SPIDR: variants seen among roughly 807,000 people sequenced by gnomAD.
The protein encoded by SPIDR is DNA repair-scaffolding protein.
Under a neutral mutation model 104.6 loss-of-function variants are expected in SPIDR, and 93 were observed. The observed-to-expected ratio is 0.89, with a 90% CI of 0.75 to 1.06. The LOEUF (loss-of-function observed/expected upper bound fraction) is 1.06. SPIDR is among the 50% of genes least tolerant of loss of function. The pLI, the probability that SPIDR is intolerant of heterozygous loss-of-function variation, is 0.00. For synonymous variants in SPIDR, 431 were observed against 416.9 expected (o/e 1.03, Z -0.41); for missense variants, 1,154 against 1,111.2 (o/e 1.04, Z -0.55).
intron 8 of SPIDR, among the ~76,000 whole-genome samples, chr8:47,516,507 C>G (rs968176271): frequency 6.6e-6 from 1 of 152,090 alleles, no homozygotes; most frequent in Non-Finnish European, 1.5e-5. Flanking sequence ...CTAGGTAACT[C>G]TTAAGTGGAA....
chr8:47,713,998 A>C (rs1352163853), intron 16 of SPIDR, among the ~76,000 whole-genome samples: 1 of 152,176 alleles, frequency 6.6e-6, no homozygotes, highest in Non-Finnish European at 1.5e-5. Context: ...CAGGAGGAAC[A>C]TTCCTGGGAA....
At chr8:47,554,361 A>G (rs140731763) in intron 8 of SPIDR, among the ~76,000 whole-genome samples, 2 of 152,352 alleles carry the variant, frequency 1.3e-5, no homozygotes, top group Admixed American at 1.3e-4. Flanking sequence ...TGGAATCTGC[A>G]TAAGCAGGCA....
intron 12 of SPIDR, 33 bp downstream of exon 12, chr8:47,700,523 A>C: frequency 6.2e-7 from 1 of 1,609,156 alleles, no homozygotes; most frequent in Non-Finnish European, 8.5e-7. Flanking sequence ...TTCCCCAGTC[A>C]CAGACTACTC....
At chr8:47,324,031 C>T (rs1554598673) in intron 5 of SPIDR, among the ~76,000 whole-genome samples, 1 of 152,036 alleles carries the variant, frequency 6.6e-6, no homozygotes, top group Non-Finnish European at 1.5e-5. Flanking sequence ...AAGTTATAAT[C>T]CAATTGTGTT....
At chr8:47,418,157 A>C (rs2064716475) in intron 7 of SPIDR, among the ~76,000 whole-genome samples, 2 of 152,114 alleles carry the variant, frequency 1.3e-5, no homozygotes, top group African/African-American at 4.8e-5. Flanking sequence ...CAATTCTGTG[A>C]TGAAAGTCAT....
chr8:47,537,980 C>G (rs928047132), intron 8 of SPIDR, among the ~76,000 whole-genome samples: 7 of 151,976 alleles, frequency 4.6e-5, no homozygotes, highest in African/African-American at 7.3e-5. Flanking sequence ...AGTTCGAGAC[C>G]AGCCTGGAAA....
intron 5 of SPIDR, among the ~76,000 whole-genome samples, chr8:47,335,242 C>T (rs181319435): frequency 1.2e-4 from 18 of 152,250 alleles, no homozygotes; most frequent in African/African-American, 4.3e-4. Flanking sequence ...GAATTTCCGA[C>T]CTATATTATT....
intron 8 of SPIDR, among the ~76,000 whole-genome samples, chr8:47,441,691 T>C (rs919595751): frequency 6.6e-6 from 1 of 152,172 alleles, no homozygotes; most frequent in Admixed American, 6.5e-5. Flanking sequence ...GCTTCTGGGT[T>C]TTGTATCATA....
intron 8 of SPIDR, among the ~76,000 whole-genome samples, chr8:47,514,060 G>A (rs2082759347): frequency 6.6e-6 from 1 of 152,108 alleles, no homozygotes; most frequent in Non-Finnish European, 1.5e-5. Flanking sequence ...CCATGGCATT[G>A]CACCTTTTGT....
chr8:47,371,192 A>C (rs2057979653), intron 5 of SPIDR, among the ~76,000 whole-genome samples: 1 of 151,720 alleles, frequency 6.6e-6, no homozygotes. Flanking sequence ...CCACTACATG[A>C]AACTGTTGTT....
At chr8:47,571,587 C>G (rs1259453966) in intron 8 of SPIDR, among the ~76,000 whole-genome samples, 2 of 152,040 alleles carry the variant, frequency 1.3e-5, no homozygotes, top group Non-Finnish European at 2.9e-5. Context: ...ATATAAAATA[C>G]AAACATTATA....
At chr8:47,337,905 A>C (rs950740117) in intron 5 of SPIDR, among the ~76,000 whole-genome samples, 1 of 152,074 alleles carries the variant, frequency 6.6e-6, no homozygotes. Context: ...GTATAGGTTT[A>C]TTTCTGGATT....
chr8:47,583,331 T>C (rs956217748), intron 8 of SPIDR, among the ~76,000 whole-genome samples: 1 of 143,980 alleles, frequency 6.9e-6, no homozygotes, highest in African/African-American at 2.6e-5. Context: ...AAAGTATCAG[T>C]GGGAGTCCAA....
intron 7 of SPIDR, among the ~76,000 whole-genome samples, chr8:47,411,180 T>C (rs2063476944): frequency 6.6e-6 from 1 of 152,236 alleles, no homozygotes; most frequent in Admixed American, 6.5e-5. Flanking sequence ...TACCCAGTAA[T>C]GGGATGGCTG....
chr8:47,353,368 T>G (rs1316790326), intron 5 of SPIDR, among the ~76,000 whole-genome samples: 1 of 152,200 alleles, frequency 6.6e-6, no homozygotes, highest in Non-Finnish European at 1.5e-5. Flanking sequence ...AGTGCTGAAC[T>G]GTGGCCTAGA....
At chr8:47,565,994 T>TATATATATA (rs1358462620) in intron 8 of SPIDR, among the ~76,000 whole-genome samples, 1 of 25,944 alleles carries the variant, frequency 3.9e-5, no homozygotes, top group Non-Finnish European at 9.2e-5. Context: ...ATATATATAT[T>TATATATATA]TTTTTTTTTT....
At chr8:47,267,450 G>A (rs1461300631) in intron 1 of SPIDR, among the ~76,000 whole-genome samples, 1 of 152,190 alleles carries the variant, frequency 6.6e-6, no homozygotes, top group African/African-American at 2.4e-5. Flanking sequence ...TTTCCAAAGT[G>A]GTTGCACCTT....
At chr8:47,353,052 CAAAAAAAAAAA>C (rs57853552) in intron 5 of SPIDR, among the ~76,000 whole-genome samples, 2 of 75,562 alleles carry the variant, frequency 2.6e-5, no homozygotes. Flanking sequence ...GACTCTATCT[CAAAAAAAAAAA>C]AAAAAAAAAA....
intron 8 of SPIDR, among the ~76,000 whole-genome samples, chr8:47,534,837 G>A (rs1671057213): frequency 6.6e-6 from 1 of 151,424 alleles, no homozygotes; most frequent in African/African-American, 2.4e-5. Flanking sequence ...CAGGAAATTA[G>A]AGAAAATCAA....
Sources: gnomAD v4.1 joint callset for allele counts (sites outside exome capture counted in the v4.1 genomes callset) on GRCh38, gnomAD v4.1.1 for gene constraint, MANE v1.5 for transcripts, NCBI Gene and HGNC (gene_info 2026-07-23, HGNC 2026-07-21) for gene names.